The following ITGA1 variants were observed in gnomAD, a reference collection of about 807,000 sequenced individuals.
ITGA1 encodes integrin alpha-1.
Under a neutral mutation model 145.9 loss-of-function variants are expected in ITGA1, and 85 were observed. That is an observed-to-expected ratio of 0.58 (90% confidence interval 0.49 to 0.70). The LOEUF (loss-of-function observed/expected upper bound fraction) is 0.70. ITGA1 is among the 30% of genes least tolerant of loss of function. The probability of loss-of-function intolerance (pLI) is 0.00; values close to 1 mark genes in which losing one functional copy is unlikely to be tolerated. For synonymous variants in ITGA1, 520 were observed against 495.3 expected, an observed-to-expected ratio of 1.05 and a Z score of -0.66; for missense variants, 1,351 against 1,418.7, an observed-to-expected ratio of 0.95 and a Z score of 0.77.
At chr5:52,938,623 T>A in intron 24 of ITGA1, among the ~76,000 whole-genome samples, 1 of 152,332 alleles carries the variant, frequency 6.6e-6, no homozygotes, top group East Asian at 1.9e-4. Flanking sequence ...GAAACTTTAA[T>A]CTTATTAACT....
At chr5:52,872,566 C>T (rs2927686) in intron 6 of ITGA1, among the ~76,000 whole-genome samples, 72,371 of 145,260 alleles carry the variant, frequency 0.5, 18,572 homozygotes, top group East Asian at 0.77. Context: ...CTTACACCCG[C>T]CTCAGTCAAT....
chr5:52,925,767 A>G (rs1281741607), intron 19 of ITGA1, among the ~76,000 whole-genome samples: 2 of 152,248 alleles, frequency 1.3e-5, no homozygotes, highest in East Asian at 3.8e-4. Flanking sequence ...TGAAACTGAA[A>G]CAGAGTCAAG....
intron 1 of ITGA1, among the ~76,000 whole-genome samples, chr5:52,844,414 T>C (rs547398181): frequency 6.6e-6 from 1 of 152,230 alleles, no homozygotes; most frequent in South Asian, 2.1e-4. Flanking sequence ...CATATCACTT[T>C]GTACTAGCCC....
At position 52,887,834 on chromosome 5, in the gene ITGA1, G is replaced by C; in HGVS notation, c.793G>C (p.Ala265Pro). The C allele has an allele frequency of 6.2e-7, 1 of 1,613,410 alleles. No individual in the cohort carries two copies. The highest frequency in any genetic ancestry group is 1.1e-5 in the South Asian group (1 of 90,950). ...CTTTAGAAAGGAGGCATTCACGGAA[G>C]CCCGGGGTGCCCGAAGAGGAGTTAA... ...DTARKEAFTEARGARRGVKKV... is the reference protein window; with the variant it reads ...DTARKEAFTEPRGARRGVKKV... Residue 265 changes from alanine (A) to proline (P), a missense_variant, in exon 8 of 29, where the codon GCC becomes CCC. Ala to Pro is a conservative substitution (Grantham distance 27). Transcript: ENST00000282588.
chr5:52,795,957 T>G (rs1294190945), intron 1 of ITGA1, among the ~76,000 whole-genome samples: 3 of 151,934 alleles, frequency 2.0e-5, no homozygotes, highest in Non-Finnish European at 2.9e-5. Flanking sequence ...ACAAGAAACT[T>G]TGAATCAGTC....
Position 52,910,224 on chromosome 5 carries a change from G to T in ITGA1, c.1662G>T (p.Gln554His). ...PIKQTCCSSR[Q>H]HNSCTTENKN... Reference sequence around the variant, plus strand: ...AGCAGACGTGCTGTTCATCTCGGCAGCACAATTCATGCACAACAGAAAACA... The same window carrying T: ...AGCAGACGTGCTGTTCATCTCGGCATCACAATTCATGCACAACAGAAAACA... The change falls in exon 14 of 29, where the codon CAG (glutamine) becomes CAT (histidine). Residue 554 changes from glutamine to histidine, a missense_variant. By Grantham distance (24) the Gln-to-His change is conservative (BLOSUM62 0). Coordinates refer to ENST00000282588, the MANE Select transcript of ITGA1 (RefSeq NM_181501.2). The T allele has an allele frequency of 6.2e-7, 1 of 1,613,976 alleles. No homozygotes were observed. Among genetic ancestry groups the T allele is most frequent in the Admixed American group, 1.7e-5 (1 of 59,998 alleles).
rs368698275 is a variant in ITGA1, at chr5:52,820,250, A to C, written c.62-29115A>C. Among the ~76,000 whole-genome samples, 5 of 151,690 alleles carry C rather than the reference A, an allele frequency of 3.3e-5. No individual in the cohort carries two copies. In the East Asian group the frequency reaches 5.8e-4, roughly 18 times the overall value. ...GACATGGATGAAGCTGGAAACCATCATTCTCAGCAAACTATCGCAAGGACA... is the reference window on the plus strand; with the variant it reads ...GACATGGATGAAGCTGGAAACCATCCTTCTCAGCAAACTATCGCAAGGACA... On this transcript the variant is annotated intron_variant, in intron 1 of 28. Coordinates refer to ENST00000282588, the MANE Select transcript of ITGA1 (RefSeq NM_181501.2).
intron 26 of ITGA1, 64 bp from the exon 27 acceptor site, chr5:52,944,879 A>G (rs1284351177): frequency 1.8e-6 from 2 of 1,142,690 alleles, no homozygotes; most frequent in South Asian, 1.3e-5. Context: ...GTCCTACTCA[A>G]ACATGACTAG....
chr5:52,933,576 T>G (rs1168412036), intron 22 of ITGA1: 1 of 161,706 alleles, frequency 6.2e-6, no homozygotes, highest in South Asian at 2.0e-4. Context: ...TTTAGTTTCA[T>G]TTTTCACTAG....
chr5:52,898,176 T>C lies in ITGA1; in HGVS notation c.1165-63T>C, dbSNP rs1053880845. The C allele has an allele frequency of 1.7e-5, 18 of 1,086,184 alleles. No individual in the cohort carries two copies. In the South Asian group the frequency reaches 3.3e-4, roughly 20 times the overall value. The allele number at this position is 1,086,184 out of a possible 1,614,324, so 67.3% of individuals were successfully genotyped here. A position where few individuals can be genotyped will look rare whatever the true frequency, so the allele number is the denominator to read the frequency against. The stretch of plus-strand genomic sequence containing the variant: ...GTATACCTATACACATTGTTAATGG[T>C]GTTTAAGTATTTCCCCTTATTATTT... On this transcript the variant is annotated intron_variant, in intron 10 of 28. Transcript: ENST00000282588.
chr5:52,858,031 T>G (rs184341841), intron 2 of ITGA1, among the ~76,000 whole-genome samples: 1 of 152,344 alleles, frequency 6.6e-6, no homozygotes, highest in African/African-American at 2.4e-5. Context: ...TCCTAAATAT[T>G]TATAGAGTTA....
intron 1 of ITGA1, among the ~76,000 whole-genome samples, chr5:52,844,677 G>A (rs2111743411): frequency 6.6e-6 from 1 of 152,196 alleles, no homozygotes; most frequent in South Asian, 2.1e-4. Context: ...TCAATTGCTG[G>A]TACATGTGAA....
At chr5:52,857,507 C>T (rs538806458) in intron 2 of ITGA1, among the ~76,000 whole-genome samples, 1 of 151,698 alleles carries the variant, frequency 6.6e-6, no homozygotes, top group African/African-American at 2.4e-5. Flanking sequence ...CACTGCCCAT[C>T]TCCCTCATTT....
At chr5:52,792,659 A>G (rs1748264754) in intron 1 of ITGA1, among the ~76,000 whole-genome samples, 1 of 152,282 alleles carries the variant, frequency 6.6e-6, no homozygotes, top group Non-Finnish European at 1.5e-5. Flanking sequence ...GAATTTCCAC[A>G]TCTTAACATA....
chr5:52,891,611 A>G (rs1427182028), intron 8 of ITGA1, among the ~76,000 whole-genome samples: 1 of 150,954 alleles, frequency 6.6e-6, no homozygotes, highest in African/African-American at 2.4e-5. Flanking sequence ...ACTTGCAACT[A>G]TGGTAAAAAC....
At chr5:52,824,527 G>A (rs1243149652) in intron 1 of ITGA1, 2 of 152,184 alleles carry the variant, frequency 1.3e-5, no homozygotes, top group Non-Finnish European at 2.9e-5. Context: ...CTGACCTAAA[G>A]TGATCCGCCT....
At chr5:52,815,588 C>G (rs1431325034) in intron 1 of ITGA1, among the ~76,000 whole-genome samples, 1 of 152,038 alleles carries the variant, frequency 6.6e-6, no homozygotes, top group East Asian at 1.9e-4. Flanking sequence ...AGTTCTGGAG[C>G]CTCTGTTGGA....
At chr5:52,792,746 A>G (rs1389674325) in intron 1 of ITGA1, among the ~76,000 whole-genome samples, 1 of 152,118 alleles carries the variant, frequency 6.6e-6, no homozygotes, top group East Asian at 1.9e-4. Flanking sequence ...CTTTACCTAC[A>G]CTTCTCTTCT....
At chr5:52,801,778 C>G in intron 1 of ITGA1, 1 of 1,613,986 alleles carries the variant, frequency 6.2e-7, no homozygotes, top group African/African-American at 1.3e-5. Context: ...AGCTGCCATT[C>G]TCCGCTTCCC....
Sources: gnomAD v4.1 joint callset for allele counts (sites outside exome capture counted in the v4.1 genomes callset) on GRCh38, gnomAD v4.1.1 for gene constraint, MANE v1.5 for transcripts, NCBI Gene and HGNC (gene_info 2026-07-23, HGNC 2026-07-21) for gene names.